ITGB1BP1: variants seen among roughly 807,000 people sequenced by gnomAD.
ITGB1BP1 encodes the protein integrin beta-1-binding protein 1.
Under a neutral mutation model 28.0 loss-of-function variants are expected in ITGB1BP1, and 20 were observed. The observed-to-expected ratio is 0.71, with a 90% CI of 0.50 to 1.04. ITGB1BP1 has a LOEUF of 1.04. ITGB1BP1 is among the 50% of genes least tolerant of loss of function. The pLI is 0.00. For synonymous variants in ITGB1BP1, 103 were observed against 89.5 expected, an observed-to-expected ratio of 1.15 and a Z score of -0.85; for missense variants, 228 against 242.5, an observed-to-expected ratio of 0.94 and a Z score of 0.40.
intron 5 of ITGB1BP1, 54 bp from the exon 6 acceptor site, chr2:9,407,652 TCC>T (rs760094003): frequency 1.3e-5 from 21 of 1,594,414 alleles, no homozygotes; most frequent in Non-Finnish European, 1.8e-5. Context: ...TGTTTGTCAG[TCC>T]TGATGACACA....
intron 4 of ITGB1BP1, among the ~76,000 whole-genome samples, chr2:9,409,994 G>T (rs191819926): frequency 6.6e-6 from 1 of 151,492 alleles, no homozygotes; most frequent in Non-Finnish European, 1.5e-5. Flanking sequence ...ACAGGCATGC[G>T]CCACCACACC....
At chr2:9,421,671 A>C (rs538277813) in intron 1 of ITGB1BP1, among the ~76,000 whole-genome samples, 2 of 149,966 alleles carry the variant, frequency 1.3e-5, no homozygotes, top group Non-Finnish European at 2.9e-5. Context: ...TGGACGAAAG[A>C]GCGAGACTCC....
intron 2 of ITGB1BP1, among the ~76,000 whole-genome samples, chr2:9,414,834 G>C (rs1678910329): frequency 1.3e-5 from 2 of 152,316 alleles, no homozygotes; most frequent in Admixed American, 1.3e-4. Flanking sequence ...TAACTGGCAG[G>C]ACAGAGCAGA....
At position 9,407,477 on chromosome 2, in the gene ITGB1BP1, C is replaced by G. The variant is rs760808268; in HGVS notation, c.503G>C (p.Ser168Thr). ...GCTGTTGCACTGATAAACCCACAGG[C>G]TGTATTCCTCATTGCTTGCATCTGT... ...KTTDASNEEY[S>T]LWVYQCNSLE... The change falls in exon 6 of 7, where the codon AGC becomes ACC. Residue 168 changes from serine to threonine, a missense_variant. Coordinates refer to ENST00000355346, the MANE Select transcript of ITGB1BP1 (RefSeq NM_004763.5). 6.2e-7 allele frequency: 1 copy of G among 1,614,224 alleles called. No homozygotes were observed. The highest frequency in any genetic ancestry group is 1.1e-5 in the South Asian group (1 of 91,078).
chr2:9,419,330 G>T (rs1679514331), intron 1 of ITGB1BP1, among the ~76,000 whole-genome samples: 1 of 152,152 alleles, frequency 6.6e-6, no homozygotes, highest in Non-Finnish European at 1.5e-5. Flanking sequence ...ATTGAGTCAA[G>T]ATTTTAGCAA....
At position 9,405,761 on chromosome 2, in the gene ITGB1BP1, C is replaced by T. The variant is rs1464392675; in HGVS notation, c.*1073G>A. ...AAAAAAAGTACACTATCATACTGTACATGGGATCTTTACATACTTTTAGCA... is the reference window on the plus strand; with the variant it reads ...AAAAAAAGTACACTATCATACTGTATATGGGATCTTTACATACTTTTAGCA... On this transcript the variant is annotated 3_prime_UTR_variant, in exon 7 of 7. Coordinates refer to ENST00000355346, the MANE Select transcript of ITGB1BP1 (RefSeq NM_004763.5). 2 of 152,186 alleles carry T rather than the reference C, an allele frequency of 1.3e-5. No homozygotes were observed. The highest frequency in any genetic ancestry group is 2.9e-5 in the Non-Finnish European group (2 of 68,034). The allele number at this position is 152,186 out of a possible 1,614,324, so 9.4% of individuals were successfully genotyped here.
intron 2 of ITGB1BP1, among the ~76,000 whole-genome samples, chr2:9,416,294 G>GTA (rs1258405176): frequency 2.0e-5 from 3 of 152,120 alleles, no homozygotes; most frequent in Non-Finnish European, 4.4e-5. Context: ...TCTGGGCTAA[G>GTA]TACCCAGATA....
Position 9,406,706 on chromosome 2 carries a change from T to C in ITGB1BP1, c.*128A>G. On this transcript the variant is annotated 3_prime_UTR_variant, in exon 7 of 7. Coordinates refer to ENST00000355346, the MANE Select transcript of ITGB1BP1 (RefSeq NM_004763.5). ...TTTAATAAACAAATGATCAGCATTT[T>C]ACACAATCCATTTTCTTCAGAAAAT... 1 of 707,618 alleles carries C rather than the reference T, an allele frequency of 1.4e-6. No homozygotes were observed. Among genetic ancestry groups the C allele is most frequent in the Admixed American group, 2.1e-5 (1 of 47,470 alleles). The allele number at this position is 707,618 out of a possible 1,614,324, so 43.8% of individuals were successfully genotyped here.
Position 9,404,444 on chromosome 2 carries a change from GGTA to G in ITGB1BP1, c.*2387_*2389del, listed in dbSNP as rs1202149836. ...ATATCATTCTTAAGCTACTTGGGGT[GGTA>G]GTAGAGGATTAGGTTGTCTATTATA... On this transcript the variant is annotated 3_prime_UTR_variant, in exon 7 of 7. Transcript: ENST00000355346. 5 of 152,110 alleles carry G rather than the reference GGTA, an allele frequency of 3.3e-5. 1 individual carries two copies. The highest frequency in any genetic ancestry group is 2.0e-4 in the Admixed American group (3 of 15,274). 9.4% of individuals were successfully genotyped at this position (152,110 alleles called of 1,614,324 possible). A position where few individuals can be genotyped will look rare whatever the true frequency, so the allele number is the denominator to read the frequency against.
At chr2:9,408,376 C>T (rs987796241) in intron 4 of ITGB1BP1, 171 bp from the exon 5 acceptor site, 28 of 580,482 alleles carry the variant, frequency 4.8e-5, no homozygotes, top group Non-Finnish European at 2.5e-5. Flanking sequence ...AACATTTCCC[C>T]CCATTTACAA....
chr2:9,406,938 A>G (rs1439160636), intron 6 of ITGB1BP1, 33 bp from the exon 7 acceptor site: 2 of 1,501,806 alleles, frequency 1.3e-6, no homozygotes, highest in Non-Finnish European at 1.9e-6. Context: ...TAAGAGCAAC[A>G]TTCATCTGTC....
chr2:9,423,342 GC>G (rs1237019436), intron 1 of ITGB1BP1, 30 bp downstream of exon 1: 3 of 1,210,752 alleles, frequency 2.5e-6, no homozygotes, highest in Non-Finnish European at 2.1e-6. Context: ...CGCGAGCTCG[GC>G]CCCAAGCGGG....
rs749988877 is a variant in ITGB1BP1 at position 9,418,642 on chromosome 2, AT to A, written c.55del (p.Ile19SerfsTer47). The A allele has an allele frequency of 5.6e-6, 9 of 1,612,350 alleles. No homozygotes were observed. The highest frequency in any genetic ancestry group is 6.8e-6 in the Non-Finnish European group (8 of 1,178,434). On this transcript the variant is annotated frameshift_variant, in exon 2 of 7. Transcript: ENST00000355346. LOFTEE classifies it high-confidence loss of function. The part of the protein sequence containing the change: ...HSSSSSQSSE[I>X]STKSKSVDSS... ...TTTCCCTACCTTGCTCTTAGTACTG[AT>A]TTCGCTACTTTGGGAACTGCTACTA...
At chr2:9,410,839 A>G (rs527728851) in intron 4 of ITGB1BP1, among the ~76,000 whole-genome samples, 5 of 152,192 alleles carry the variant, frequency 3.3e-5, no homozygotes, top group Admixed American at 1.3e-4. Flanking sequence ...GCCTCCCCCA[A>G]AATGCTGGGA....
intron 2 of ITGB1BP1, among the ~76,000 whole-genome samples, chr2:9,417,016 C>T (rs976309836): frequency 1.3e-5 from 2 of 152,128 alleles, no homozygotes; most frequent in South Asian, 2.1e-4. Context: ...CTTCACACCC[C>T]GTCCAAGCCC....
chr2:9,418,777 T>A, intron 1 of ITGB1BP1, 45 bp from the exon 2 acceptor site: 8 of 193,598 alleles, frequency 4.1e-5, no homozygotes, highest in East Asian at 1.9e-4. Flanking sequence ...GAAAAGCAAC[T>A]TTTTTTTTTT....
Position 9,415,251 on chromosome 2 carries a change from C to A in ITGB1BP1, c.73-995G>T, listed in dbSNP as rs554423882. 2.0e-5 allele frequency among the ~76,000 whole-genome samples: 3 copies of A among 152,254 alleles called. No individual in the cohort carries two copies. The highest frequency in any genetic ancestry group is 4.1e-4 in the South Asian group (2 of 4,824). On this transcript the variant is annotated intron_variant, in intron 2 of 6. Coordinates refer to ENST00000355346, the MANE Select transcript of ITGB1BP1 (RefSeq NM_004763.5). The surrounding 1 kb of genome is among the most constrained non-coding windows in gnomAD (Gnocchi z 4.1). Reference sequence around the variant, plus strand: ...AAAATTAGCTGGGCATGGTGGCGGGCACTTATAATCCTAGCTACTCGGGAG... The same window carrying A: ...AAAATTAGCTGGGCATGGTGGCGGGAACTTATAATCCTAGCTACTCGGGAG...
chr2:9,421,082 T>C (rs186989139), intron 1 of ITGB1BP1, among the ~76,000 whole-genome samples: 409 of 152,342 alleles, frequency 2.7e-3, no homozygotes, highest in Middle Eastern at 0.01. Flanking sequence ...GGTTAAAATG[T>C]TGATGTGTAA....
intron 4 of ITGB1BP1, among the ~76,000 whole-genome samples, chr2:9,411,315 C>T (rs1678344923): frequency 6.6e-6 from 1 of 152,152 alleles, no homozygotes; most frequent in Non-Finnish European, 1.5e-5. Context: ...CAGAACTGGT[C>T]TGATGGTGGT....
Sources: allele counts gnomAD v4.1 joint callset (sites outside exome capture counted in the v4.1 genomes callset), GRCh38; gene constraint gnomAD v4.1.1; non-coding constraint Gnocchi (gnomAD v3.1); transcripts MANE v1.5; gene names NCBI Gene and HGNC (gene_info 2026-07-23, HGNC 2026-07-21).